The following KIF6 variants were observed in gnomAD, a reference collection of about 807,000 sequenced individuals.
KIF6 encodes the protein kinesin-like protein KIF6.
In KIF6, 106 loss-of-function variants were observed where a neutral mutation model predicts 112.7. That is an observed-to-expected ratio of 0.94 (90% CI 0.80 to 1.11). The LOEUF (loss-of-function observed/expected upper bound fraction) is 1.11, where lower values mean the gene tolerates loss of function less well. KIF6 is among the 50% of genes least tolerant of loss of function. The pLI, the probability that KIF6 is intolerant of heterozygous loss-of-function variation, is 0.00. For missense variants in KIF6, 929 were observed against 964.0 expected (o/e 0.96, Z 0.48); for synonymous variants, 339 against 339.9 (o/e 1.00, Z 0.03).
intron 15 of KIF6, among the ~76,000 whole-genome samples, chr6:39,412,971 G>GA (rs5875671): frequency 0.69 from 103,976 of 150,190 alleles, 38,560 homozygotes; most frequent in South Asian, 0.89. Context: ...CCTTATTTTG[G>GA]AAAAAAAAAA....
chr6:39,620,560 A>T (rs1783757400), intron 5 of KIF6: 1 of 152,110 alleles, frequency 6.6e-6, no homozygotes, highest in Non-Finnish European at 1.5e-5. Context: ...TATTTTTCCA[A>T]CTATAAGCAT....
chr6:39,650,762 G>A (rs1273374969), intron 3 of KIF6, among the ~76,000 whole-genome samples: 1 of 152,022 alleles, frequency 6.6e-6, no homozygotes, highest in African/African-American at 2.4e-5. Context: ...ACAGAATCGT[G>A]CATAAAATCT....
chr6:39,623,302 T>G (rs1370701132), intron 5 of KIF6, among the ~76,000 whole-genome samples: 1 of 152,198 alleles, frequency 6.6e-6, no homozygotes, highest in Non-Finnish European at 1.5e-5. Flanking sequence ...AGATAAACTT[T>G]GGAATCATAT....
intron 6 of KIF6, among the ~76,000 whole-genome samples, chr6:39,604,676 T>G (rs562182161): frequency 5.3e-5 from 8 of 152,296 alleles, no homozygotes; most frequent in African/African-American, 1.4e-4. Context: ...ACACCAATTT[T>G]ATTTAAAATT....
Position 39,521,811 on chromosome 6 carries a change from A to G in KIF6, c.1645+18192T>C, listed in dbSNP as rs1777417563. ...CATATCATTAAAAACCCAATAAGAG[A>G]CTAGATCTGCTGCACTTACCAGGCC... On this transcript the variant is annotated intron_variant, in intron 13 of 22. Transcript: ENST00000287152. 2.6e-5 allele frequency among the ~76,000 whole-genome samples: 4 copies of G among 152,228 alleles called. 1 individual carries two copies. The South Asian group carries it at 8.3e-4, about 32-fold the overall frequency.
chr6:39,416,315 C>A (rs1769914929), intron 15 of KIF6, among the ~76,000 whole-genome samples: 1 of 152,230 alleles, frequency 6.6e-6, no homozygotes, highest in Non-Finnish European at 1.5e-5. Flanking sequence ...TACTTCTTTT[C>A]CCAGTTTGGG....
At chr6:39,543,554 C>T (rs181035954) in intron 12 of KIF6, among the ~76,000 whole-genome samples, 1 of 152,210 alleles carries the variant, frequency 6.6e-6, no homozygotes, top group African/African-American at 2.4e-5. Flanking sequence ...ACTGGGTTTC[C>T]TTTATGTAGA....
chr6:39,696,698 T>A (rs1478117264), intron 3 of KIF6, among the ~76,000 whole-genome samples: 1 of 151,864 alleles, frequency 6.6e-6, no homozygotes, highest in Non-Finnish European at 1.5e-5. Flanking sequence ...AGGCTCCTAC[T>A]AGGTGTCAGG....
chr6:39,455,659 A>G (rs1372933174), intron 13 of KIF6, among the ~76,000 whole-genome samples: 1 of 148,580 alleles, frequency 6.7e-6, no homozygotes, highest in Non-Finnish European at 1.5e-5. Context: ...AATAACCAAT[A>G]CAGAGAAGTG....
intron 13 of KIF6, among the ~76,000 whole-genome samples, chr6:39,530,652 G>C (rs1777999930): frequency 6.6e-6 from 1 of 152,170 alleles, no homozygotes; most frequent in Non-Finnish European, 1.5e-5. Context: ...TCTGAAGGGA[G>C]TTATTTTCAG....
At chr6:39,594,655 T>C (rs949311759) in intron 7 of KIF6, among the ~76,000 whole-genome samples, 1 of 152,126 alleles carries the variant, frequency 6.6e-6, no homozygotes, top group East Asian at 1.9e-4. Context: ...TTTTAGCCAA[T>C]GTGATGATTA....
chr6:39,394,878 A>G (rs1200190319), intron 15 of KIF6, among the ~76,000 whole-genome samples: 3 of 152,226 alleles, frequency 2.0e-5, no homozygotes, highest in East Asian at 1.9e-4. Flanking sequence ...CTAGAAAAAC[A>G]TCACCGGAAC....
chr6:39,715,754 G>C (rs1369799311), intron 2 of KIF6, among the ~76,000 whole-genome samples: 5 of 152,170 alleles, frequency 3.3e-5, no homozygotes, highest in Non-Finnish European at 7.3e-5. Context: ...ACTATACAAA[G>C]AGATAATCTA....
chr6:39,463,986 G>A (rs1773638492), intron 13 of KIF6, among the ~76,000 whole-genome samples: 1 of 152,040 alleles, frequency 6.6e-6, no homozygotes, highest in Non-Finnish European at 1.5e-5. Context: ...AAATATCCTT[G>A]TTTAGTAGGT....
chr6:39,674,842 A>G lies in KIF6; in HGVS notation c.252-35085T>C, dbSNP rs1226160945. 2.7e-5 allele frequency among the ~76,000 whole-genome samples: 4 copies of G among 150,436 alleles called. No homozygotes were observed. In the Admixed American group the frequency reaches 2.7e-4, roughly 10 times the overall value. On this transcript the variant is annotated intron_variant, in intron 3 of 22. Transcript: ENST00000287152. ...TAACTGAGTCAGGATTAAAGACAAA[A>G]AAGCTAGAATGAGAGAACCAAACCT...
chr6:39,378,284 A>C lies in KIF6; in HGVS notation c.1861+7338T>G, dbSNP rs1454116999. Among the ~76,000 whole-genome samples the C allele has an allele frequency of 6.6e-6, 1 of 151,880 alleles. No homozygotes were observed. The highest frequency in any genetic ancestry group is 2.1e-4 in the South Asian group (1 of 4,808). Reference sequence around the variant, plus strand: ...ACAAACCCACAAACCACACACACATACACACCACACACACAAGCACAAAAC... The same window carrying C: ...ACAAACCCACAAACCACACACACATCCACACCACACACACAAGCACAAAAC... On this transcript the variant is annotated intron_variant, in intron 16 of 22. Transcript: ENST00000287152. This position sits in a 1 kb window ranked among gnomAD's most constrained non-coding sequence, Gnocchi z 5.0.
chr6:39,383,032 T>G (rs1485310017), intron 16 of KIF6, among the ~76,000 whole-genome samples: 2 of 150,444 alleles, frequency 1.3e-5, no homozygotes, highest in Non-Finnish European at 2.9e-5. Context: ...TCTTATTGAT[T>G]CATTTAAGTT....
In KIF6 at chr6:39,599,503, A is replaced by G. The variant is rs140927587; in HGVS notation, c.640-3243T>C. On this transcript the variant is annotated intron_variant, in intron 6 of 22. Transcript: ENST00000287152. ...AGCTAGTGAGTCAAACAGGCTGAAAATTTGACCCATTACTTGTTGCCACAA... is the reference window on the plus strand; with the variant it reads ...AGCTAGTGAGTCAAACAGGCTGAAAGTTTGACCCATTACTTGTTGCCACAA... Among the ~76,000 whole-genome samples, 435 of 152,342 alleles carry G rather than the reference A, an allele frequency of 2.9e-3. 2 individuals carry two copies. Among genetic ancestry groups the G allele is most frequent in the Non-Finnish European group, 4.6e-3 (315 of 68,034 alleles).
At chr6:39,618,492 T>G (rs1418199400) in intron 5 of KIF6, among the ~76,000 whole-genome samples, 1 of 152,150 alleles carries the variant, frequency 6.6e-6, no homozygotes, top group African/African-American at 2.4e-5. Context: ...CCCTCCCTTT[T>G]GGAGTTTCGG....
Sources: allele counts gnomAD v4.1 joint callset (sites outside exome capture counted in the v4.1 genomes callset), GRCh38; gene constraint gnomAD v4.1.1; non-coding constraint Gnocchi (gnomAD v3.1); transcripts MANE v1.5; gene names NCBI Gene and HGNC (gene_info 2026-07-23, HGNC 2026-07-21).